The following MRTFB variants were observed in gnomAD, a reference collection of about 807,000 sequenced individuals.
MRTFB encodes the protein myocardin-related transcription factor B.
In MRTFB, 29 loss-of-function variants were observed where a neutral mutation model predicts 104.2. The observed-to-expected ratio is 0.28, with a 90% confidence interval of 0.21 to 0.38. The LOEUF (loss-of-function observed/expected upper bound fraction) is 0.38. MRTFB is among the 10% of genes least tolerant of loss of function. The pLI is 1.00. For synonymous variants in MRTFB, 535 were observed against 519.5 expected, an observed-to-expected ratio of 1.03 and a Z score of -0.41; for missense variants, 1,270 against 1,341.6, an observed-to-expected ratio of 0.95 and a Z score of 0.83.
At chr16:14,244,360 C>T (rs184918213) in intron 10 of MRTFB, among the ~76,000 whole-genome samples, 1 of 152,118 alleles carries the variant, frequency 6.6e-6, no homozygotes, top group Non-Finnish European at 1.5e-5. Context: ...TAGTCTGTGT[C>T]TTTTGGCATA....
chr16:14,007,393 G>A, the MRTFB span, among the ~76,000 whole-genome samples: 1 of 152,146 alleles, frequency 6.6e-6, no homozygotes, highest in Non-Finnish European at 1.5e-5. Context: ...GTTCCCCCAT[G>A]TTGCGGCAGG....
intron 8 of MRTFB, among the ~76,000 whole-genome samples, chr16:14,219,480 T>C (rs561186547): frequency 6.6e-6 from 1 of 152,368 alleles, no homozygotes; most frequent in South Asian, 2.1e-4. Flanking sequence ...ATTTTAATAG[T>C]GTTATTTTAA....
intron 3 of MRTFB, 109 bp from the exon 4 acceptor site, chr16:14,210,134 G>A (rs2041130356): frequency 1.4e-6 from 1 of 722,342 alleles, no homozygotes; most frequent in Middle Eastern, 2.4e-4. Flanking sequence ...CTTTTTAATT[G>A]TGAAATAGAA....
At chr16:14,082,809 G>A (rs952927083) in intron 2 of MRTFB, among the ~76,000 whole-genome samples, 6 of 151,930 alleles carry the variant, frequency 3.9e-5, no homozygotes, top group African/African-American at 1.4e-4. Flanking sequence ...ATAAAATAAA[G>A]TAAATAAAAT....
chr16:14,209,156 C>T (rs950871184), intron 3 of MRTFB, among the ~76,000 whole-genome samples: 2 of 152,214 alleles, frequency 1.3e-5, no homozygotes, highest in Non-Finnish European at 2.9e-5. Flanking sequence ...GTGCCTGCGT[C>T]TGCAGGCCTC....
At chr16:14,141,322 C>A (rs1228256621) in intron 3 of MRTFB, 8 of 152,496 alleles carry the variant, frequency 5.2e-5, no homozygotes, top group Non-Finnish European at 8.8e-5. Flanking sequence ...TTTCATCGCT[C>A]ACAGAGATAT....
At chr16:14,006,303 AT>A in the MRTFB span, among the ~76,000 whole-genome samples, 3 of 152,224 alleles carry the variant, frequency 2.0e-5, no homozygotes, top group African/African-American at 7.2e-5. Context: ...AGATTGTGTC[AT>A]TGCACTCCAG....
At chr16:14,000,032 G>A in the MRTFB span, among the ~76,000 whole-genome samples, 1 of 152,170 alleles carries the variant, frequency 6.6e-6, no homozygotes, top group Non-Finnish European at 1.5e-5. Flanking sequence ...CTCATGGAAA[G>A]GCAGAGGAAG....
At chr16:14,253,567 G>A (rs1228995826) in intron 15 of MRTFB, among the ~76,000 whole-genome samples, 1 of 152,156 alleles carries the variant, frequency 6.6e-6, no homozygotes, top group Admixed American at 6.5e-5. Context: ...CCTCACCCAG[G>A]GAGTATGCAG....
At chr16:14,008,351 G>GT in the MRTFB span, among the ~76,000 whole-genome samples, 3,541 of 152,234 alleles carry the variant, frequency 0.023, 122 homozygotes, top group African/African-American at 0.081. Flanking sequence ...TTGCATTTAG[G>GT]TCTTTGATCC....
chr16:14,252,410 C>A lies in MRTFB; in HGVS notation c.2611C>A (p.Leu871Ile). Residue 871 changes from leucine (L) to isoleucine (I), a missense_variant, in exon 15 of 17, where the codon CTA (leucine) becomes ATA (isoleucine). By Grantham distance (5) the Leu-to-Ile change is conservative (BLOSUM62 2). Around this residue, in one of 3 missense-constraint regions of MRTFB, gnomAD observed 1,144 missense variants for 1,131.5 expected, o/e 1.01. Coordinates refer to ENST00000571589, the MANE Select transcript of MRTFB (RefSeq NM_001308142.2). The stretch of plus-strand genomic sequence containing the variant: ...CCAGCAATTTGTCGTCCAGCACTCT[C>A]TATTTGGGAGTCCAGTCGCCAAGAC... ...PPQQFVVQHS[L>I]FGSPVAKTKD... The A allele has an allele frequency of 6.2e-7, 1 of 1,613,960 alleles. No individual in the cohort carries two copies. Among genetic ancestry groups the A allele is most frequent in the African/African-American group, 1.3e-5 (1 of 74,956 alleles).
chr16:14,235,135 C>T (rs1200563966), intron 9 of MRTFB, among the ~76,000 whole-genome samples: 1 of 152,212 alleles, frequency 6.6e-6, no homozygotes, highest in Non-Finnish European at 1.5e-5. Flanking sequence ...TGTTGCAGAA[C>T]TCTTCTGAGG....
At chr16:14,139,554 G>A (rs1010693459) in intron 2 of MRTFB, among the ~76,000 whole-genome samples, 1 of 152,156 alleles carries the variant, frequency 6.6e-6, no homozygotes, top group Non-Finnish European at 1.5e-5. Context: ...TTTCACTCCT[G>A]TACAAGTATC....
chr16:14,012,218 CTTTTTCTTT>C, the MRTFB span, among the ~76,000 whole-genome samples: 6 of 142,884 alleles, frequency 4.2e-5, no homozygotes, highest in Non-Finnish European at 7.5e-5. Flanking sequence ...TTGACATTTT[CTTTTTCTTT>C]TTTTTCTTTT....
intron 3 of MRTFB, among the ~76,000 whole-genome samples, chr16:14,205,823 C>G (rs917651154): frequency 3.9e-5 from 6 of 152,218 alleles, no homozygotes; most frequent in African/African-American, 1.4e-4. Context: ...AAGACGGAGG[C>G]TATGATGTCA....
chr16:14,200,714 G>C, intron 3 of MRTFB: 1 of 1,527,530 alleles, frequency 6.5e-7, no homozygotes, highest in Non-Finnish European at 9.1e-7. Context: ...AACTGTGTCA[G>C]AGGCTGAATC....
intron 3 of MRTFB, among the ~76,000 whole-genome samples, chr16:14,155,844 A>G (rs572292100): frequency 1.3e-5 from 2 of 152,316 alleles, no homozygotes; most frequent in Non-Finnish European, 2.9e-5. Flanking sequence ...TACTCTGTGT[A>G]CATACAGCTT....
chr16:14,084,620 A>G (rs1180674560), intron 2 of MRTFB, among the ~76,000 whole-genome samples: 1 of 152,234 alleles, frequency 6.6e-6, no homozygotes, highest in Non-Finnish European at 1.5e-5. Context: ...CAATTGTGGA[A>G]TAGCATATAG....
At position 14,228,958 on chromosome 16, in the gene MRTFB, A is replaced by G. The variant is rs145309606; in HGVS notation, c.694-5188A>G. Among the ~76,000 whole-genome samples the G allele has an allele frequency of 1.1e-4, 17 of 152,304 alleles. No homozygotes were observed. In the East Asian group the frequency reaches 3.3e-3, roughly 29 times the overall value. ...GGACATTGTTTAATGGGTATAGTGTATTGCTTGGGAACATGAACAAGTCTG... is the reference window on the plus strand; with the variant it reads ...GGACATTGTTTAATGGGTATAGTGTGTTGCTTGGGAACATGAACAAGTCTG... On this transcript the variant is annotated intron_variant, in intron 8 of 16. Coordinates refer to ENST00000571589, the MANE Select transcript of MRTFB (RefSeq NM_001308142.2).
Sources: allele counts gnomAD v4.1 joint callset (sites outside exome capture counted in the v4.1 genomes callset), GRCh38; gene constraint gnomAD v4.1.1; regional missense constraint gnomAD v4.1.1; transcripts MANE v1.5; gene names NCBI Gene and HGNC (gene_info 2026-07-23, HGNC 2026-07-21).